The following EIF3K variants were observed in gnomAD, a reference collection of about 807,000 sequenced individuals.
EIF3K encodes eIF-3 p28.
Under a neutral mutation model 34.2 loss-of-function variants are expected in EIF3K, and 27 were observed. The ratio of observed to expected loss-of-function variants is 0.79; its 90% CI spans 0.58 to 1.09. The LOEUF is 1.09. Ranked by LOEUF, EIF3K falls within the 50% of genes least tolerant of loss-of-function variation. The pLI is 0.00. For synonymous variants in EIF3K, 105 were observed against 105.7 expected, an observed-to-expected ratio of 0.99 and a Z score of 0.04; for missense variants, 232 against 275.4, an observed-to-expected ratio of 0.84 and a Z score of 1.11.
intron 3 of EIF3K, among the ~76,000 whole-genome samples, chr19:38,624,559 G>A (rs1021855735): frequency 6.6e-6 from 1 of 152,116 alleles, no homozygotes; most frequent in East Asian, 1.9e-4. Flanking sequence ...CCAACATGGC[G>A]AAACCCCATC....
chr19:38,634,010 C>T (rs1976131012), intron 6 of EIF3K, among the ~76,000 whole-genome samples: 1 of 149,150 alleles, frequency 6.7e-6, no homozygotes, highest in African/African-American at 2.4e-5. Flanking sequence ...CTCCTGACCT[C>T]AAGTGATCTG....
intron 2 of EIF3K, among the ~76,000 whole-genome samples, chr19:38,621,179 G>A (rs985204465): frequency 2.0e-5 from 3 of 148,878 alleles, no homozygotes; most frequent in East Asian, 2.0e-4. Context: ...CTGGGGGACA[G>A]AGTGAGACCC....
intron 6 of EIF3K, among the ~76,000 whole-genome samples, chr19:38,633,324 A>G (rs1057000930): frequency 6.6e-6 from 1 of 152,136 alleles, no homozygotes; most frequent in African/African-American, 2.4e-5. Context: ...GATATTTTTT[A>G]AAGATCCCCC....
At position 38,626,046 on chromosome 19, in the gene EIF3K, C is replaced by T. The variant is rs375893694; in HGVS notation, c.298C>T (p.Arg100Ter). Residue 100 changes from arginine (R) to a stop codon, truncating the protein, a stop_gained, in exon 4 of 8, where the codon CGA becomes TGA. Coordinates refer to ENST00000248342, the MANE Select transcript of EIF3K (RefSeq NM_013234.4). LOFTEE classifies it high-confidence loss of function. Reference sequence around the variant, plus strand: ...CTCCCAGCAAGAAGAACGGCCAATCCGACAGATTTTGTACCTCGGGGACCT... The same window carrying T: ...CTCCCAGCAAGAAGAACGGCCAATCTGACAGATTTTGTACCTCGGGGACCT... ...DQAHQEERPI[R>*]QILYLGDLLE... 11 of 1,614,034 alleles carry T rather than the reference C, an allele frequency of 6.8e-6. No homozygotes were observed. Among genetic ancestry groups the T allele is most frequent in the African/African-American group, 2.7e-5 (2 of 74,906 alleles).
At position 38,627,905 on chromosome 19, in the gene EIF3K, C is replaced by CTTTTTT. The variant is rs60551864; in HGVS notation, c.354+1811_354+1816dup. Reference sequence around the variant, plus strand: ...ACCTCTGAGGCATTTATTTTCTTTCCTTTTTTTTTTTTTGTTTGAGACCAT... The same window carrying CTTTTTT: ...ACCTCTGAGGCATTTATTTTCTTTCCTTTTTTTTTTTTTTTTTTTGTTTGAGACCAT... On this transcript the variant is annotated intron_variant, in intron 4 of 7. Coordinates refer to ENST00000248342, the MANE Select transcript of EIF3K (RefSeq NM_013234.4). Among the ~76,000 whole-genome samples the CTTTTTT allele has an allele frequency of 3.8e-4, 54 of 140,264 alleles. 2 individuals carry two copies. The highest frequency in any genetic ancestry group is 8.1e-4 in the African/African-American group (30 of 37,214). 92.0% of individuals were successfully genotyped at this position (140,264 alleles called of 152,430 possible). A position where few individuals can be genotyped will look rare whatever the true frequency, so the allele number is the denominator to read the frequency against.
At chr19:38,632,741 C>T (rs1976098169) in intron 6 of EIF3K, 63 bp downstream of exon 6, 5 of 1,454,670 alleles carry the variant, frequency 3.4e-6, no homozygotes, top group East Asian at 4.8e-5. Context: ...CAGTGGACCT[C>T]AGTCAGCTCC....
intron 6 of EIF3K, among the ~76,000 whole-genome samples, chr19:38,633,499 A>G (rs1220525470): frequency 6.6e-6 from 1 of 152,134 alleles, no homozygotes; most frequent in Non-Finnish European, 1.5e-5. Flanking sequence ...GGAGTTCGAG[A>G]CCAGCCTGCC....
chr19:38,628,431 G>C (rs1835408313), intron 4 of EIF3K: 1 of 152,382 alleles, frequency 6.6e-6, no homozygotes, highest in South Asian at 2.1e-4. Flanking sequence ...TAGCTTCTCA[G>C]CTCACCCCCA....
At chr19:38,622,261 C>T (rs1975858771) in intron 2 of EIF3K, among the ~76,000 whole-genome samples, 1 of 151,916 alleles carries the variant, frequency 6.6e-6, no homozygotes, top group Admixed American at 6.6e-5. Context: ...GGGCCTGCCC[C>T]GATAATCACG....
chr19:38,634,131 G>A (rs922299086), intron 6 of EIF3K, among the ~76,000 whole-genome samples: 1 of 135,778 alleles, frequency 7.4e-6, no homozygotes, highest in Non-Finnish European at 1.5e-5. Context: ...GTGGAGTCTG[G>A]CTCTGTCACC....
At position 38,619,313 on chromosome 19, in the gene EIF3K, C is replaced by T; in HGVS notation, c.45C>T (p.Leu15=). The change falls in exon 1 of 8, where the codon CTC becomes CTT. Residue 15 remains leucine, a synonymous_variant. Coordinates refer to ENST00000248342, the MANE Select transcript of EIF3K (RefSeq NM_013234.4). ...TGAGAGCCAACGTGGGCAAGTTGCT[C>T]AAGGGTATCGACAGGTCTGAGCCCG... is the stretch of plus-strand genomic sequence containing the variant. ...EQMRANVGKL[L]KGIDRYNPEN... The T allele has an allele frequency of 1.2e-6, 2 of 1,614,006 alleles. No homozygotes were observed. The highest frequency in any genetic ancestry group is 1.7e-6 in the Non-Finnish European group (2 of 1,179,954).
chr19:38,625,673 C>G (rs1975935127), intron 3 of EIF3K, among the ~76,000 whole-genome samples: 1 of 151,410 alleles, frequency 6.6e-6, no homozygotes, highest in Non-Finnish European at 1.5e-5. Context: ...CCACACCCAG[C>G]TGCTTTTCGT....
intron 2 of EIF3K, among the ~76,000 whole-genome samples, chr19:38,621,063 G>A (rs372044498): frequency 3.9e-5 from 6 of 152,024 alleles, no homozygotes; most frequent in Middle Eastern, 3.4e-3. Context: ...TTAATGTAGC[G>A]GTGTGTGGCT....
intron 4 of EIF3K, among the ~76,000 whole-genome samples, chr19:38,630,216 T>C (rs1413245893): frequency 6.6e-6 from 1 of 151,752 alleles, no homozygotes; most frequent in Admixed American, 6.6e-5. Flanking sequence ...TGCAGTGATA[T>C]GATCTTGGCT....
intron 6 of EIF3K, among the ~76,000 whole-genome samples, chr19:38,634,090 C>CTT (rs757394196): frequency 0.012 from 1,046 of 86,080 alleles, 133 homozygotes; most frequent in Non-Finnish European, 0.017. Flanking sequence ...TAAAAGCTAA[C>CTT]TTTTTTTTTT....
intron 2 of EIF3K, among the ~76,000 whole-genome samples, chr19:38,623,179 A>G (rs905098790): frequency 6.6e-6 from 1 of 152,246 alleles, no homozygotes; most frequent in African/African-American, 2.4e-5. Flanking sequence ...ATTGCAGTAA[A>G]GACAGGCATA....
Position 38,633,629 on chromosome 19 carries a change from C to A in EIF3K, c.499+951C>A, listed in dbSNP as rs61231902. On this transcript the variant is annotated intron_variant, in intron 6 of 7. Coordinates refer to ENST00000248342, the MANE Select transcript of EIF3K (RefSeq NM_013234.4). ...AGGAGAATTGCTTCAACGCAGGAGG[C>A]GGAGGTTGCAGTGAGCTGAGATCGC... Among the ~76,000 whole-genome samples the A allele has an allele frequency of 5.1e-3, 764 of 148,954 alleles. 2 individuals carry two copies. Among genetic ancestry groups the A allele is most frequent in the African/African-American group, 0.018 (739 of 40,334 alleles).
chr19:38,619,403 T>C, intron 1 of EIF3K, 76 bp downstream of exon 1: 1 of 1,552,454 alleles, frequency 6.4e-7, no homozygotes, highest in Non-Finnish European at 8.8e-7. Context: ...GCAAGGGGTG[T>C]TCAGGGTCCT....
intron 4 of EIF3K, among the ~76,000 whole-genome samples, chr19:38,630,045 C>G (rs1483783327): frequency 1.3e-5 from 2 of 152,128 alleles, no homozygotes; most frequent in Non-Finnish European, 2.9e-5. Context: ...TTTGGAAAAT[C>G]ATGTAGCTGC....
Sources: allele counts gnomAD v4.1 joint callset (sites outside exome capture counted in the v4.1 genomes callset), GRCh38; gene constraint gnomAD v4.1.1; transcripts MANE v1.5; gene names NCBI Gene and HGNC (gene_info 2026-07-23, HGNC 2026-07-21).